The following ECRG4 variants were observed in gnomAD, a reference collection of about 807,000 sequenced individuals.
ECRG4 encodes the protein augurin.
ECRG4 carries 18 observed loss-of-function variants against 15.8 expected under a neutral mutation model. The observed-to-expected ratio is 1.14, with a 90% CI of 0.79 to 1.69. The LOEUF (loss-of-function observed/expected upper bound fraction) is 1.69, where lower values mean the gene tolerates loss of function less well. Among genes scored for constraint, ECRG4 ranks in the 40% most tolerant of loss-of-function variants. The probability of loss-of-function intolerance (pLI) is 0.00; values close to 1 mark genes in which losing one functional copy is unlikely to be tolerated. For synonymous variants in ECRG4, 82 were observed against 73.9 expected (o/e 1.11, Z -0.56); for missense variants, 200 against 190.9 (o/e 1.05, Z -0.28).
At chr2:106,076,491 C>T (rs1487773591) in intron 3 of ECRG4, among the ~76,000 whole-genome samples, 1 of 152,102 alleles carries the variant, frequency 6.6e-6, no homozygotes, top group Admixed American at 6.5e-5. Context: ...ATTCAGACCC[C>T]AGGTATAGAG....
chr2:106,065,111 G>A (rs1241402247), upstream of ECRG4, among the ~76,000 whole-genome samples: 1 of 152,082 alleles, frequency 6.6e-6, no homozygotes, highest in Non-Finnish European at 1.5e-5. Context: ...AACCCAGACT[G>A]TGGAATCTTT....
At chr2:106,064,361 C>G (rs1302572872), upstream of ECRG4, 2 of 152,198 alleles carry the variant, frequency 1.3e-5, no homozygotes, top group African/African-American at 4.8e-5. Context: ...TATGGAGAGA[C>G]AGTAAGTGCT....
At chr2:106,074,249 A>T in intron 3 of ECRG4, 2 of 588,480 alleles carry the variant, frequency 3.4e-6, no homozygotes, top group Non-Finnish European at 5.9e-6. Flanking sequence ...ACCAGGGTAC[A>T]TTCAGGAGGC....
Position 106,073,831 on chromosome 2 carries a change from A to G in ECRG4, c.128-55A>G. The G allele has an allele frequency of 2.5e-6, 4 of 1,597,158 alleles. No homozygotes were observed. The South Asian group carries it at 4.4e-5, about 18-fold the overall frequency. On this transcript the variant is annotated intron_variant, in intron 2 of 3. Coordinates refer to ENST00000238044, the MANE Select transcript of ECRG4 (RefSeq NM_032411.3). Reference sequence around the variant, plus strand: ...GGATGTATAACAGGGATTCACCGCAAGTGAGGAAGGAAGTCATTCTTTGTG... The same window carrying G: ...GGATGTATAACAGGGATTCACCGCAGGTGAGGAAGGAAGTCATTCTTTGTG...
At position 106,077,886 on chromosome 2, in the gene ECRG4, G is replaced by A. The variant is rs867836258; in HGVS notation, c.407G>A (p.Gly136Asp). ...GCAATTGGTCCCCGGAGCCCCTACG[G>A]CTTTAGGCATGGAGCCAGCGTCAAC... ...DSAIGPRSPY[G>D]FRHGASVNYD... The change falls in exon 4 of 4, where the codon GGC becomes GAC. Residue 136 changes from glycine (G) to aspartate (D), a missense_variant. Physicochemically the swap from Gly to Asp is moderately conservative, Grantham distance 94 (BLOSUM62 -1). Transcript: ENST00000238044. 1 of 1,614,100 alleles carries A rather than the reference G, an allele frequency of 6.2e-7. No individual in the cohort carries two copies. Among genetic ancestry groups the A allele is most frequent in the Non-Finnish European group, 8.5e-7 (1 of 1,180,022 alleles).
intron 1 of ECRG4, among the ~76,000 whole-genome samples, chr2:106,067,185 G>C (rs144142610): frequency 6.6e-6 from 1 of 150,954 alleles, no homozygotes. Context: ...CCAGCTACTC[G>C]GGAGGCTGAG....
intron 1 of ECRG4, among the ~76,000 whole-genome samples, chr2:106,071,447 A>G (rs1573361508): frequency 6.6e-6 from 1 of 152,106 alleles, no homozygotes; most frequent in East Asian, 1.9e-4. Context: ...AAATAAGCTC[A>G]CATTCAGGGG....
chr2:106,064,871 G>C (rs1337680178), upstream of ECRG4, among the ~76,000 whole-genome samples: 1 of 152,088 alleles, frequency 6.6e-6, no homozygotes, highest in African/African-American at 2.4e-5. Flanking sequence ...TGTTCACTAC[G>C]CCTCCTTTCA....
intron 1 of ECRG4, chr2:106,070,664 C>G (rs1676343470): frequency 5.0e-6 from 1 of 200,334 alleles, no homozygotes; most frequent in Non-Finnish European, 1.0e-5. Flanking sequence ...AATTCACAAA[C>G]AAAGCAGGCA....
At chr2:106,068,814 T>C (rs1394478972) in intron 1 of ECRG4, among the ~76,000 whole-genome samples, 1 of 152,224 alleles carries the variant, frequency 6.6e-6, no homozygotes, top group Non-Finnish European at 1.5e-5. Context: ...ATAGATTTCT[T>C]CATTGAATTT....
chr2:106,068,923 A>G (rs1381019712), intron 1 of ECRG4, among the ~76,000 whole-genome samples: 7 of 152,172 alleles, frequency 4.6e-5, no homozygotes, highest in African/African-American at 1.4e-4. Flanking sequence ...ATCTATGTTT[A>G]TTTATGCTCA....
rs1169582119 is a variant in ECRG4, at chr2:106,065,727, A to T, written c.-38A>T. ...CCCGGTTCTCCCTCGCAGCACCTCG[A>T]AGTGCGCCCCTCGCCCTCCTGCTCG... On this transcript the variant is annotated 5_prime_UTR_variant, in exon 1 of 4. Coordinates refer to ENST00000238044, the MANE Select transcript of ECRG4 (RefSeq NM_032411.3). The T allele has an allele frequency of 6.9e-7, 1 of 1,446,958 alleles. No homozygotes were observed. Among genetic ancestry groups the T allele is most frequent in the South Asian group, 1.3e-5 (1 of 74,558 alleles). 89.6% of individuals were successfully genotyped at this position (1,446,958 alleles called of 1,614,324 possible). A position where few individuals can be genotyped will look rare whatever the true frequency, so the allele number is the denominator to read the frequency against.
intron 2 of ECRG4, chr2:106,072,144 A>G (rs1676383651): frequency 2.2e-6 from 1 of 450,948 alleles, no homozygotes. Context: ...TAAAAGAAAC[A>G]GTAGTACAGT....
chr2:106,069,713 C>A (rs1359608043), intron 1 of ECRG4, among the ~76,000 whole-genome samples: 1 of 152,160 alleles, frequency 6.6e-6, no homozygotes, highest in Admixed American at 6.5e-5. Context: ...GGGCGCTAGT[C>A]CTCTCTGGAC....
At chr2:106,074,219 G>A in intron 3 of ECRG4, 176 bp downstream of exon 3, 1 of 714,194 alleles carries the variant, frequency 1.4e-6, no homozygotes, top group Non-Finnish European at 2.2e-6. Context: ...ATGGTGTAAG[G>A]GCGATGGCTG....
intron 1 of ECRG4, among the ~76,000 whole-genome samples, chr2:106,067,121 G>C (rs1004368928): frequency 2.3e-5 from 3 of 129,244 alleles, no homozygotes; most frequent in Non-Finnish European, 4.7e-5. Context: ...GACCAACATG[G>C]AGAAACCCCG....
At chr2:106,067,059 C>CCG (rs1676233141) in intron 1 of ECRG4, among the ~76,000 whole-genome samples, 3 of 4,266 alleles carry the variant, frequency 7.0e-4, no homozygotes, top group Non-Finnish European at 9.2e-4. Context: ...TTTGGGAGGC[C>CCG]GGGGGGGGGG....
At chr2:106,070,710 A>T (rs974852192) in intron 1 of ECRG4, 1 of 266,720 alleles carries the variant, frequency 3.7e-6, no homozygotes, top group Non-Finnish European at 7.6e-6. Context: ...CACTTTTAAG[A>T]GTCTGGCAAA....
At chr2:106,073,297 C>T (rs1296884710) in intron 2 of ECRG4, among the ~76,000 whole-genome samples, 1 of 152,174 alleles carries the variant, frequency 6.6e-6, no homozygotes, top group Admixed American at 6.5e-5. Context: ...TATCCTGCAT[C>T]AATGGTCAGA....
Sources: gnomAD v4.1 joint callset for allele counts (sites outside exome capture counted in the v4.1 genomes callset) on GRCh38, gnomAD v4.1.1 for gene constraint, MANE v1.5 for transcripts, NCBI Gene and HGNC (gene_info 2026-07-23, HGNC 2026-07-21) for gene names.